The following ZNF639 variants were observed in gnomAD, a reference collection of about 807,000 sequenced individuals.
ZNF639 encodes the protein zinc finger protein 639.
Under a neutral mutation model 39.8 loss-of-function variants are expected in ZNF639, and 20 were observed. The ratio of observed to expected loss-of-function variants is 0.50; its 90% CI spans 0.35 to 0.73. The LOEUF is 0.73. Ranked by LOEUF, ZNF639 falls within the 30% of genes least tolerant of loss-of-function variation. The pLI, the probability that ZNF639 is intolerant of heterozygous loss-of-function variation, is 0.00. For synonymous variants in ZNF639, 176 were observed against 189.8 expected (o/e 0.93, Z 0.60); for missense variants, 477 against 566.2 (o/e 0.84, Z 1.60).
At chr3:179,329,928 TTTGA>T (rs1727812847) in intron 4 of ZNF639, 200 bp downstream of exon 4, 18 of 281,562 alleles carry the variant, frequency 6.4e-5, no homozygotes, top group South Asian at 4.7e-5. Flanking sequence ...TTTTTTTTTT[TTTGA>T]GATGGAGTCT....
intron 4 of ZNF639, 189 bp downstream of exon 4, chr3:179,329,917 T>G (rs1576990170): frequency 6.4e-6 from 1 of 155,838 alleles, no homozygotes; most frequent in Non-Finnish European, 1.3e-5. Context: ...TTCTTTTTTT[T>G]TTTTTTTTTT....
chr3:179,324,151 A>T (rs928957747), intron 1 of ZNF639, among the ~76,000 whole-genome samples: 1 of 152,252 alleles, frequency 6.6e-6, no homozygotes, highest in Non-Finnish European at 1.5e-5. Context: ...TAAACTCGTT[A>T]AAAATGGAGT....
At chr3:179,329,135 C>A (rs2108499115) in intron 3 of ZNF639, among the ~76,000 whole-genome samples, 1 of 152,158 alleles carries the variant, frequency 6.6e-6, no homozygotes, top group Non-Finnish European at 1.5e-5. Flanking sequence ...ATTAGTCTAC[C>A]CAGCCTACAC....
At chr3:179,328,049 A>G (rs1576988719) in intron 2 of ZNF639, 2 of 331,820 alleles carry the variant, frequency 6.0e-6, no homozygotes, top group East Asian at 1.2e-4. Context: ...CATTTGAAAA[A>G]GAATTTTTTA....
intron 1 of ZNF639, among the ~76,000 whole-genome samples, chr3:179,326,053 G>C (rs1056029333): frequency 6.6e-6 from 1 of 151,952 alleles, no homozygotes; most frequent in Non-Finnish European, 1.5e-5. Context: ...ATTATAGGCC[G>C]GGCGCGGTGC....
At chr3:179,327,509 C>T (rs936741191) in intron 1 of ZNF639, 52 bp from the exon 2 acceptor site, 1 of 152,094 alleles carries the variant, frequency 6.6e-6, no homozygotes, top group African/African-American at 2.4e-5. Flanking sequence ...TATTCAGTAC[C>T]AGAAATGAGC....
rs773129287 is a variant in ZNF639, at chr3:179,328,363, A to G, written c.58+12A>G. 6.4e-7 allele frequency: 1 copy of G among 1,557,696 alleles called. No individual in the cohort carries two copies. The highest frequency in any genetic ancestry group is 1.2e-5 in the South Asian group (1 of 83,640). On this transcript the variant is annotated intron_variant, in intron 3 of 5. Transcript: ENST00000496856. ...TTCTCGTTATTCAGGTCAGTGTATA[A>G]TTATTTTAAAGTTGGGTATGGATTA...
intron 1 of ZNF639, among the ~76,000 whole-genome samples, chr3:179,327,328 A>G (rs34466187): frequency 5.9e-5 from 9 of 152,258 alleles, no homozygotes; most frequent in Non-Finnish European, 1.2e-4. Context: ...TGTCTCAAAA[A>G]AAAAGAACTA....
At position 179,323,279 on chromosome 3, in the gene ZNF639, G is replaced by C. The variant is rs547240650; in HGVS notation, c.-95G>C. On this transcript the variant is annotated 5_prime_UTR_variant, in exon 1 of 6. Transcript: ENST00000496856. ...TGCGTGGGCCGGCCGGGAGGGCCTC[G>C]GGGGACTGACTGGTGAGTGTGAGGG... The C allele has an allele frequency of 1.2e-5, 12 of 985,282 alleles. No homozygotes were observed. In the East Asian group the frequency reaches 8.0e-4, roughly 66 times the overall value. 61.0% of individuals were successfully genotyped at this position (985,282 alleles called of 1,614,324 possible).
chr3:179,331,870 A>T (rs2108503829), intron 4 of ZNF639, among the ~76,000 whole-genome samples: 1 of 152,204 alleles, frequency 6.6e-6, no homozygotes, highest in Middle Eastern at 3.4e-3. Flanking sequence ...ACCATAAATC[A>T]TATTGATAGT....
rs894180250 is a variant in ZNF639, at chr3:179,323,290, T to G, written c.-84T>G. Reference sequence around the variant, plus strand: ...GCCGGGAGGGCCTCGGGGGACTGACTGGTGAGTGTGAGGGAGGAGCGGGTG... The same window carrying G: ...GCCGGGAGGGCCTCGGGGGACTGACGGGTGAGTGTGAGGGAGGAGCGGGTG... On this transcript the variant is annotated splice_region_variant and 5_prime_UTR_variant, in exon 1 of 6. Transcript: ENST00000496856. 6.1e-6 allele frequency: 6 copies of G among 984,782 alleles called. No individual in the cohort carries two copies. The East Asian group carries it at 5.7e-4, about 94-fold the overall frequency. 61.0% of individuals were successfully genotyped at this position (984,782 alleles called of 1,614,324 possible).
chr3:179,331,781 A>AG (rs1310851853), intron 4 of ZNF639, among the ~76,000 whole-genome samples: 3 of 151,086 alleles, frequency 2.0e-5, no homozygotes, highest in Non-Finnish European at 4.4e-5. Flanking sequence ...ATCTCAAAAA[A>AG]AAAAAAAAAA....
chr3:179,338,397 CTCT>C lies in ZNF639; in HGVS notation c.*3980_*3982del, dbSNP rs1468841619. ...TGAAAATGGTTGTTCACTAAAAAGC[CTCT>C]TCTTTTCCTGCTTATAAATTTGCCA... On this transcript the variant is annotated 3_prime_UTR_variant, in exon 6 of 6. Coordinates refer to ENST00000496856, the MANE Select transcript of ZNF639 (RefSeq NM_001303426.2). 6.6e-6 allele frequency: 1 copy of C among 152,106 alleles called. No individual in the cohort carries two copies. Among genetic ancestry groups the C allele is most frequent in the Admixed American group, 6.6e-5 (1 of 15,264 alleles). 9.4% of individuals were successfully genotyped at this position (152,106 alleles called of 1,614,324 possible).
intron 4 of ZNF639, among the ~76,000 whole-genome samples, chr3:179,330,669 T>C (rs1355633614): frequency 6.6e-6 from 1 of 152,178 alleles, no homozygotes; most frequent in Non-Finnish European, 1.5e-5. Context: ...AGGTTAAGAA[T>C]AGTGTTAGAC....
In ZNF639 at chr3:179,328,264, AT is replaced by A. The variant is rs1727708065; in HGVS notation, c.-11-13del. On this transcript the variant is annotated intron_variant, in intron 2 of 5. Transcript: ENST00000496856. ...GTTGTTATTTGTGACATATTTGTTA[AT>A]TTTTTCTCGTTTTTTAGATTGAAAA... 1 of 1,417,206 alleles carries A rather than the reference AT, an allele frequency of 7.1e-7. No homozygotes were observed. Among genetic ancestry groups the A allele is most frequent in the African/African-American group, 1.4e-5 (1 of 69,334 alleles). The allele number at this position is 1,417,206 out of a possible 1,614,324, so 87.8% of individuals were successfully genotyped here.
Position 179,335,062 on chromosome 3 carries a change from A to G in ZNF639, c.*640A>G, listed in dbSNP as rs1728144278. The G allele has an allele frequency of 6.6e-6, 1 of 152,156 alleles. No homozygotes were observed. The highest frequency in any genetic ancestry group is 2.4e-5 in the African/African-American group (1 of 41,444). 9.4% of individuals were successfully genotyped at this position (152,156 alleles called of 1,614,324 possible). Reference sequence around the variant, plus strand: ...TAACTCATTCATAACTTGATGTTTCATTTTCTGTTGAGGAACCATAAATTC... The same window carrying G: ...TAACTCATTCATAACTTGATGTTTCGTTTTCTGTTGAGGAACCATAAATTC... On this transcript the variant is annotated 3_prime_UTR_variant, in exon 6 of 6. Transcript: ENST00000496856.
Position 179,335,774 on chromosome 3 carries a change from C to CTCTT in ZNF639, c.*1353_*1354insCTTT, listed in dbSNP as rs56151258. The CTCTT allele has an allele frequency of 7.8e-6, 1 of 128,614 alleles. No individual in the cohort carries two copies. Among genetic ancestry groups the CTCTT allele is most frequent in the Admixed American group, 8.1e-5 (1 of 12,300 alleles). 8.0% of individuals were successfully genotyped at this position (128,614 alleles called of 1,614,324 possible). On this transcript the variant is annotated 3_prime_UTR_variant, in exon 6 of 6. Transcript: ENST00000496856. ...TGCAAGTCTGTCCCCCAAATTTCCT[C>CTCTT]TTTTTTTTTTTTTTTTTGCTTTTTT...
chr3:179,322,982 C>T (rs949703885), upstream of ZNF639: 4 of 985,206 alleles, frequency 4.1e-6, no homozygotes, highest in Non-Finnish European at 4.8e-6. Flanking sequence ...CAGCCCGCTC[C>T]CTGCCCCCAC....
rs761708289 is a variant in ZNF639 at position 179,333,904 on chromosome 3, G to C, written c.940G>C (p.Asp314His). 6.2e-7 allele frequency: 1 copy of C among 1,614,172 alleles called. No individual in the cohort carries two copies. Among genetic ancestry groups the C allele is most frequent in the South Asian group, 1.1e-5 (1 of 91,080 alleles). Residue 314 changes from aspartate (D) to histidine (H), a missense_variant, in exon 6 of 6, where the codon GAT (aspartate) becomes CAT (histidine). Physicochemically the swap from Asp to His is moderately conservative, Grantham distance 81 (BLOSUM62 -1). Coordinates refer to ENST00000496856, the MANE Select transcript of ZNF639 (RefSeq NM_001303426.2). ...CCTACATTTCCAGGAGCACAGCTGT[G>C]ATGAACAGTACTTGTGTCAGTTCTG... ...LYLHFQEHSC[D>H]EQYLCQFCEH...
Sources: gnomAD v4.1 joint callset for allele counts (sites outside exome capture counted in the v4.1 genomes callset) on GRCh38, gnomAD v4.1.1 for gene constraint, MANE v1.5 for transcripts, NCBI Gene and HGNC (gene_info 2026-07-23, HGNC 2026-07-21) for gene names.